Variants in SND1 observed in about 807,000 individuals in gnomAD.
The protein encoded by SND1 is staphylococcal nuclease and tudor domain containing 1.
A neutral mutation model predicts 121.7 loss-of-function variants in SND1; 38 were observed. That is an observed-to-expected ratio of 0.31 (90% CI 0.24 to 0.41). SND1 has a LOEUF of 0.41. SND1 is among the 10% of genes least tolerant of loss of function. SND1 has a pLI of 1.00. For missense variants in SND1, 868 were observed against 1,184.6 expected (o/e 0.73, Z 3.92); for synonymous variants, 401 against 447.4 (o/e 0.90, Z 1.31).
rs1235826954 is a variant in SND1 at position 127,962,373 on chromosome 7, G to A, written c.1670-28574G>A. On this transcript the variant is annotated intron_variant, in intron 15 of 23. Transcript: ENST00000354725. The stretch of plus-strand genomic sequence containing the variant: ...TTGTATATACGTATATATTTCTCTG[G>A]ACGTGTGCAGAGTTGTTGCATTTCT... 2.0e-5 allele frequency among the ~76,000 whole-genome samples: 3 copies of A among 152,158 alleles called. No individual in the cohort carries two copies. The East Asian group carries it at 5.8e-4, about 29-fold the overall frequency.
intron 16 of SND1, among the ~76,000 whole-genome samples, chr7:128,025,705 A>G (rs1231805463): frequency 1.3e-5 from 2 of 152,214 alleles, no homozygotes; most frequent in Non-Finnish European, 2.9e-5. Flanking sequence ...TTACTGCTGT[A>G]AAAGTGGAAA....
intron 10 of SND1, among the ~76,000 whole-genome samples, chr7:127,755,135 A>G (rs992647779): frequency 6.6e-6 from 1 of 152,134 alleles, no homozygotes; most frequent in Non-Finnish European, 1.5e-5. Context: ...AGTGTATATT[A>G]TAACTGATAT....
intron 15 of SND1, among the ~76,000 whole-genome samples, chr7:127,984,412 T>C (rs772537364): frequency 2.6e-5 from 4 of 152,212 alleles, no homozygotes; most frequent in African/African-American, 7.2e-5. Context: ...GTGGGATGTA[T>C]GTAGTTATGG....
intron 10 of SND1, among the ~76,000 whole-genome samples, chr7:127,773,690 C>T (rs1797560118): frequency 1.3e-5 from 2 of 151,830 alleles, no homozygotes. Context: ...ACTGTCTCCT[C>T]GAAAAAAAAT....
intron 3 of SND1, among the ~76,000 whole-genome samples, chr7:127,695,840 A>G (rs1303254318): frequency 6.6e-6 from 1 of 152,172 alleles, no homozygotes; most frequent in East Asian, 1.9e-4. Flanking sequence ...ACAAAAAAAT[A>G]GTATATGTAA....
chr7:127,655,832 C>T (rs1470559792), intron 1 of SND1, among the ~76,000 whole-genome samples: 3 of 151,774 alleles, frequency 2.0e-5, no homozygotes, highest in South Asian at 4.2e-4. Context: ...TTTTTTTTCT[C>T]TTTGGGTATG....
At chr7:127,750,674 A>G (rs1239686969) in intron 10 of SND1, among the ~76,000 whole-genome samples, 2 of 152,180 alleles carry the variant, frequency 1.3e-5, no homozygotes, top group African/African-American at 4.8e-5. Context: ...AAATGTTTAA[A>G]TGAACATTTC....
intron 9 of SND1, among the ~76,000 whole-genome samples, chr7:127,708,361 C>A (rs1181773014): frequency 6.6e-6 from 1 of 150,730 alleles, no homozygotes; most frequent in Non-Finnish European, 1.5e-5. Context: ...CTCCCTCCCT[C>A]CCTTCCTTCC....
intron 13 of SND1, among the ~76,000 whole-genome samples, chr7:127,889,997 A>C (rs1799980539): frequency 6.6e-6 from 1 of 152,092 alleles, no homozygotes; most frequent in Non-Finnish European, 1.5e-5. Context: ...GGGAGTACAG[A>C]TATCTCTTCG....
At chr7:128,066,605 C>T (rs1318119162) in intron 16 of SND1, among the ~76,000 whole-genome samples, 1 of 152,240 alleles carries the variant, frequency 6.6e-6, no homozygotes, top group Non-Finnish European at 1.5e-5. Flanking sequence ...TCGCCTTCCA[C>T]AGCATCGCCT....
intron 10 of SND1, among the ~76,000 whole-genome samples, chr7:127,750,595 T>G (rs12540357): frequency 1.5e-3 from 223 of 152,208 alleles, no homozygotes; most frequent in African/African-American, 4.8e-3. Flanking sequence ...AGAAGTGTTT[T>G]GGATTTTTTT....
At chr7:127,843,802 A>G (rs1426775972) in intron 11 of SND1, among the ~76,000 whole-genome samples, 1 of 152,218 alleles carries the variant, frequency 6.6e-6, no homozygotes, top group African/African-American at 2.4e-5. Context: ...TCTATAAGAA[A>G]TGACTAAACT....
At chr7:127,793,267 G>A (rs1027355863) in intron 10 of SND1, among the ~76,000 whole-genome samples, 1 of 152,246 alleles carries the variant, frequency 6.6e-6, no homozygotes, top group Admixed American at 6.5e-5. Context: ...TTCTGGGGCA[G>A]ACAGATCTTT....
rs563578634 is a variant in SND1 at position 127,903,490 on chromosome 7, T to C, written c.1455-1257T>C. On this transcript the variant is annotated intron_variant, in intron 13 of 23. Coordinates refer to ENST00000354725, the MANE Select transcript of SND1 (RefSeq NM_014390.4). ...TTCAGTACTTGCCCTCATCAAGGAG[T>C]AGAAACTAGATAGTAGGAAAACTTT... is the stretch of plus-strand genomic sequence containing the variant. Among the ~76,000 whole-genome samples the C allele has an allele frequency of 2.6e-5, 4 of 152,184 alleles. No individual in the cohort carries two copies. The East Asian group carries it at 7.7e-4, about 29-fold the overall frequency.
At chr7:127,863,978 G>C (rs1218425117) in intron 12 of SND1, among the ~76,000 whole-genome samples, 1 of 152,144 alleles carries the variant, frequency 6.6e-6, no homozygotes, top group African/African-American at 2.4e-5. Context: ...TTCAAAGTGA[G>C]AGAAAAGTAC....
Position 128,074,633 on chromosome 7 carries a change from C to T in SND1, c.1911C>T (p.Ser637=). 1.2e-6 allele frequency: 2 copies of T among 1,613,916 alleles called. No homozygotes were observed. Among genetic ancestry groups the T allele is most frequent in the South Asian group, 2.2e-5 (2 of 91,062 alleles). Residue 637 remains serine, a synonymous_variant, in exon 17 of 24, where the codon AGC becomes AGT. Coordinates refer to ENST00000354725, the MANE Select transcript of SND1 (RefSeq NM_014390.4). ...AGGTCCACTTCACCGCCGAACGCAG[C>T]TCCTACTACAAGTCCCTGCTGTCTG... ...LSKVHFTAER[S]SYYKSLLSAE... is the part of the protein sequence containing the mutation.
At chr7:127,770,554 C>A (rs1168071872) in intron 10 of SND1, among the ~76,000 whole-genome samples, 1 of 152,126 alleles carries the variant, frequency 6.6e-6, no homozygotes, top group Non-Finnish European at 1.5e-5. Flanking sequence ...GAAACTGAGG[C>A]TTGGAAAGGT....
intron 18 of SND1, chr7:128,081,935 G>A (rs776541965): frequency 1.9e-6 from 1 of 535,606 alleles, no homozygotes; most frequent in East Asian, 5.4e-5. Context: ...AGTGGTGCTG[G>A]GTTTGTCTCT....
At chr7:127,745,776 G>A (rs906937350) in intron 10 of SND1, among the ~76,000 whole-genome samples, 3 of 152,180 alleles carry the variant, frequency 2.0e-5, no homozygotes, top group African/African-American at 7.2e-5. Context: ...GACTTAGTAA[G>A]TTTGTGAACC....
Sources: gnomAD v4.1 joint callset for allele counts (sites outside exome capture counted in the v4.1 genomes callset) on GRCh38, gnomAD v4.1.1 for gene constraint, MANE v1.5 for transcripts, NCBI Gene and HGNC (gene_info 2026-07-23, HGNC 2026-07-21) for gene names.